Variants in DLC1 observed in about 807,000 individuals in gnomAD.
DLC1 encodes the protein rho GTPase-activating protein 7.
Under a neutral mutation model 140.3 loss-of-function variants are expected in DLC1, and 54 were observed. The observed-to-expected ratio is 0.38, with a 90% CI of 0.31 to 0.48. DLC1 has a LOEUF of 0.48. DLC1 is among the 20% of genes least tolerant of loss of function. DLC1 has a pLI of 0.96. For synonymous variants in DLC1, 986 were observed against 728.1 expected (o/e 1.35, Z -5.70); for missense variants, 2,536 against 1,907.0 (o/e 1.33, Z -6.14).
chr8:13,339,936 T>A (rs1001024111), intron 4 of DLC1: 1 of 152,066 alleles, frequency 6.6e-6, no homozygotes, highest in African/African-American at 2.4e-5. Context: ...AAATAAAACA[T>A]AAAATTCCTG....
intron 2 of DLC1, among the ~76,000 whole-genome samples, chr8:13,437,619 A>C (rs543610615): frequency 2.0e-5 from 3 of 152,292 alleles, no homozygotes; most frequent in Admixed American, 2.0e-4. Flanking sequence ...ACATGCTTAC[A>C]TATGGAGAAT....
At chr8:13,442,708 G>GA (rs1427432073) in intron 2 of DLC1, among the ~76,000 whole-genome samples, 1 of 152,076 alleles carries the variant, frequency 6.6e-6, no homozygotes, top group East Asian at 1.9e-4. Context: ...GGAAACAACA[G>GA]TGCTGGAGAG....
rs60048506 is a variant in DLC1, at chr8:13,297,282, T to TAAAAAAAAAAAAAAAAAA, written c.1348+7986_1348+7987insTTTTTTTTTTTTTTTTTT. 3.7e-3 allele frequency among the ~76,000 whole-genome samples: 36 copies of TAAAAAAAAAAAAAAAAAA among 9,624 alleles called. 12 individuals carry two copies. Among genetic ancestry groups the TAAAAAAAAAAAAAAAAAA allele is most frequent in the African/African-American group, 5.4e-3 (15 of 2,782 alleles). The allele number at this position is 9,624 out of a possible 152,430, so 6.3% of individuals were successfully genotyped here. On this transcript the variant is annotated intron_variant, in intron 5 of 17. Coordinates refer to ENST00000276297, the MANE Select transcript of DLC1 (RefSeq NM_182643.3). The stretch of plus-strand genomic sequence containing the variant: ...CAGGCAAGCAGAGGCCTTCATACAT[T>TAAAAAAAAAAAAAAAAAA]AAAAAAAAAAAAAACTGAAGCAAGT...
Position 13,500,173 on chromosome 8 carries a change from G to T in DLC1, c.-102C>A, listed in dbSNP as rs563466262. On this transcript the variant is annotated 5_prime_UTR_variant, in exon 2 of 18. Coordinates refer to ENST00000276297, the MANE Select transcript of DLC1 (RefSeq NM_182643.3). ...TTTCAAAATCACCAATCAAAGAAGC[G>T]AATGAGTTCTGTCATTTCACCACCT... 1.8e-6 allele frequency: 2 copies of T among 1,083,312 alleles called. No homozygotes were observed. The highest frequency in any genetic ancestry group is 2.6e-6 in the Non-Finnish European group (2 of 759,498). 67.1% of individuals were successfully genotyped at this position (1,083,312 alleles called of 1,614,324 possible).
At chr8:13,333,305 A>T (rs1001594445) in intron 4 of DLC1, among the ~76,000 whole-genome samples, 1 of 152,198 alleles carries the variant, frequency 6.6e-6, no homozygotes, top group Non-Finnish European at 1.5e-5. Flanking sequence ...AGCTCACTGC[A>T]GCTTGGAACA....
chr8:13,346,327 A>T (rs1338486827), intron 4 of DLC1, among the ~76,000 whole-genome samples: 1 of 152,220 alleles, frequency 6.6e-6, no homozygotes, highest in Non-Finnish European at 1.5e-5. Flanking sequence ...GCTAATTTGG[A>T]GGGAAAAACA....
intron 2 of DLC1, among the ~76,000 whole-genome samples, chr8:13,439,737 A>G (rs1172910856): frequency 1.3e-5 from 2 of 152,148 alleles, no homozygotes; most frequent in African/African-American, 4.8e-5. Flanking sequence ...GAGAAGCATT[A>G]TGTCTCCTTC....
At chr8:13,502,000 T>TA (rs1216582174) in intron 1 of DLC1, among the ~76,000 whole-genome samples, 1 of 152,198 alleles carries the variant, frequency 6.6e-6, no homozygotes, top group African/African-American at 2.4e-5. Context: ...TACCAAGTGG[T>TA]ATTACGATGT....
At chr8:13,254,266 G>GT (rs1830124009) in intron 5 of DLC1, among the ~76,000 whole-genome samples, 1 of 151,338 alleles carries the variant, frequency 6.6e-6, no homozygotes, top group African/African-American at 2.4e-5. Flanking sequence ...AAAATGAGAA[G>GT]TAACTAGTCT....
chr8:13,291,319 A>C (rs1162804121), intron 5 of DLC1, among the ~76,000 whole-genome samples: 1 of 152,254 alleles, frequency 6.6e-6, no homozygotes, highest in African/African-American at 2.4e-5. Flanking sequence ...CTTATAATAG[A>C]GAATTCAGTG....
chr8:13,350,852 C>T (rs1165439154), intron 4 of DLC1, among the ~76,000 whole-genome samples: 3 of 152,118 alleles, frequency 2.0e-5, no homozygotes, highest in Admixed American at 1.3e-4. Flanking sequence ...TGCATAGAAG[C>T]CGCTCTTGAA....
intron 5 of DLC1, among the ~76,000 whole-genome samples, chr8:13,226,664 T>C (rs1326516630): frequency 6.6e-6 from 1 of 152,210 alleles, no homozygotes; most frequent in East Asian, 1.9e-4. Flanking sequence ...TCTATGTATG[T>C]ATGCAATATT....
intron 1 of DLC1, among the ~76,000 whole-genome samples, chr8:13,502,927 C>T (rs1801886068): frequency 6.6e-6 from 1 of 152,066 alleles, no homozygotes. Context: ...GTTCAAGCAC[C>T]GTGACATTAA....
intron 5 of DLC1, among the ~76,000 whole-genome samples, chr8:13,194,236 A>C (rs1458043472): frequency 6.6e-6 from 1 of 152,230 alleles, no homozygotes; most frequent in Non-Finnish European, 1.5e-5. Context: ...TCCTCAGGAA[A>C]CTGAGAGGAC....
chr8:13,420,689 A>G (rs1326160045), intron 2 of DLC1, among the ~76,000 whole-genome samples: 1 of 152,072 alleles, frequency 6.6e-6, no homozygotes, highest in African/African-American at 2.4e-5. Flanking sequence ...GTTTGCTGAG[A>G]ATGATGGCTT....
chr8:13,573,026 G>T lies in DLC1; in HGVS notation c.-126+31511C>A, dbSNP rs547777474. ...CTGTAAAAAATGCCATTGGACTTTT[G>T]ATAGGGATTGCATTTAATCTGTATA... On this transcript the variant is annotated intron_variant, in intron 1 of 1. Transcript: ENST00000631382. Among the ~76,000 whole-genome samples the T allele has an allele frequency of 1.2e-3, 183 of 152,242 alleles. 2 individuals are homozygous for T. The highest frequency in any genetic ancestry group is 4.2e-3 in the African/African-American group (175 of 41,558).
At chr8:13,301,009 T>C (rs1369303160) in intron 5 of DLC1, among the ~76,000 whole-genome samples, 1 of 152,040 alleles carries the variant, frequency 6.6e-6, no homozygotes, top group Non-Finnish European at 1.5e-5. Flanking sequence ...CAGCACGGTG[T>C]GTAGAAGGTG....
intron 5 of DLC1, among the ~76,000 whole-genome samples, chr8:13,158,809 C>T (rs865991466): frequency 7.1e-6 from 1 of 141,774 alleles, no homozygotes; most frequent in Middle Eastern, 3.5e-3. Flanking sequence ...ACCTCTGCAT[C>T]ATAAGACAGG....
At chr8:13,153,019 G>A (rs1049597297) in intron 5 of DLC1, among the ~76,000 whole-genome samples, 3 of 151,902 alleles carry the variant, frequency 2.0e-5, no homozygotes, top group Admixed American at 6.6e-5. Context: ...TTTCATTTTC[G>A]CTTTGTGGAA....
Sources: gnomAD v4.1 joint callset for allele counts (sites outside exome capture counted in the v4.1 genomes callset) on GRCh38, gnomAD v4.1.1 for gene constraint, MANE v1.5 for transcripts, NCBI Gene and HGNC (gene_info 2026-07-23, HGNC 2026-07-21) for gene names.